Variants in PIK3CB observed in about 807,000 individuals in gnomAD.
The protein encoded by PIK3CB is phosphatidylinositol-4,5-bisphosphate 3-kinase catalytic subunit beta.
In PIK3CB, 39 loss-of-function variants were observed where a neutral mutation model predicts 136.8. The ratio of observed to expected loss-of-function variants is 0.29; its 90% CI spans 0.22 to 0.37. PIK3CB has a LOEUF of 0.37. Ranked by LOEUF, PIK3CB falls within the 10% of genes least tolerant of loss-of-function variation. The pLI, the probability that PIK3CB is intolerant of heterozygous loss-of-function variation, is 1.00. For synonymous variants in PIK3CB, 428 were observed against 436.6 expected (o/e 0.98, Z 0.25); for missense variants, 868 against 1,275.4 (o/e 0.68, Z 4.87).
chr3:138,706,343 T>C (rs2044377701), intron 11 of PIK3CB, among the ~76,000 whole-genome samples: 1 of 152,176 alleles, frequency 6.6e-6, no homozygotes, highest in African/African-American at 2.4e-5. Flanking sequence ...CATTAGATAA[T>C]CTCTTTATCC....
chr3:138,729,477 T>A (rs7616486), intron 8 of PIK3CB, among the ~76,000 whole-genome samples: 6,720 of 152,216 alleles, frequency 0.044, 487 homozygotes, highest in African/African-American at 0.15. Context: ...TTGCCCTCCC[T>A]GATGTAGGCT....
rs966729151 is a variant in PIK3CB at position 138,657,691 on chromosome 3, G to A, written c.2941C>T (p.Arg981Trp). Residue 981 changes from arginine (R) to tryptophan (W), a missense_variant and splice_region_variant, in exon 22 of 24, where the codon CGG (arginine) becomes TGG (tryptophan). Physicochemically the swap from Arg to Trp is moderately radical, Grantham distance 101. This residue lies in a region of PIK3CB where 88 missense variants were observed against 147.8 expected (regional missense o/e 0.60). Coordinates refer to ENST00000674063, the MANE Select transcript of PIK3CB (RefSeq NM_006219.3). ...GKTGNTEKFG[R>W]FRQCCEDAYL... is the part of the protein sequence containing the mutation. ...CCTTGGCACAAGGGCAGTACTCACC[G>A]GCCAAACTTTTCTGTATTTCCTGTT... The A allele has an allele frequency of 2.1e-5, 34 of 1,613,412 alleles. No homozygotes were observed. Among genetic ancestry groups the A allele is most frequent in the East Asian group, 6.7e-5 (3 of 44,858 alleles).
chr3:138,781,761 AT>A (rs1193144865), intron 2 of PIK3CB, among the ~76,000 whole-genome samples: 1 of 151,976 alleles, frequency 6.6e-6, no homozygotes, highest in East Asian at 1.9e-4. Flanking sequence ...GGCCCAAAAA[AT>A]TTTTTTAATT....
chr3:138,720,814 G>C (rs1042892004), intron 8 of PIK3CB, among the ~76,000 whole-genome samples: 1 of 152,156 alleles, frequency 6.6e-6, no homozygotes, highest in Non-Finnish European at 1.5e-5. Context: ...GTTGCAGTGA[G>C]CAGAGATTGT....
intron 4 of PIK3CB, among the ~76,000 whole-genome samples, chr3:138,753,683 G>A (rs949828898): frequency 4.6e-5 from 7 of 151,904 alleles, no homozygotes; most frequent in African/African-American, 1.7e-4. Context: ...GCATATGCCT[G>A]TGGTCTCAAC....
intron 16 of PIK3CB, among the ~76,000 whole-genome samples, chr3:138,685,869 G>A (rs1036598593): frequency 6.6e-6 from 1 of 152,144 alleles, no homozygotes; most frequent in Non-Finnish European, 1.5e-5. Flanking sequence ...GGGTGTGATG[G>A]CTCACGTCTG....
intron 19 of PIK3CB, among the ~76,000 whole-genome samples, chr3:138,675,372 T>A (rs941262547): frequency 6.6e-6 from 1 of 151,554 alleles, no homozygotes; most frequent in Non-Finnish European, 1.5e-5. Flanking sequence ...AAGAAGGAGA[T>A]GAGAGAGAGA....
intron 4 of PIK3CB, among the ~76,000 whole-genome samples, chr3:138,747,815 C>T (rs560190595): frequency 2.0e-5 from 3 of 152,180 alleles, no homozygotes; most frequent in East Asian, 1.9e-4. Context: ...AAAATATCCA[C>T]GTATAAGTGG....
At position 138,714,683 on chromosome 3, in the gene PIK3CB, G is replaced by T. The variant is rs767242982; in HGVS notation, c.1087C>A (p.Leu363Ile). 3.2e-5 allele frequency: 52 copies of T among 1,610,856 alleles called. No individual in the cohort carries two copies. Among genetic ancestry groups the T allele is most frequent in the Non-Finnish European group, 4.3e-5 (51 of 1,178,624 alleles). Residue 363 changes from leucine to isoleucine, a missense_variant, in exon 9 of 24, where the codon CTC (leucine) becomes ATC (isoleucine). By Grantham distance (5) the Leu-to-Ile change is conservative. This residue lies in a region of PIK3CB where 612 missense variants were observed against 801.1 expected (regional missense o/e 0.76). Transcript: ENST00000674063. ...GAGCTTACGATGGTTTTACACAGGA[G>T]CTCAGTACCATGAAAAAGACCAGCC... The part of the protein sequence containing the change: ...VRAGLFHGTE[L>I]LCKTIVSSEV...
At chr3:138,692,756 C>G (rs1283120732) in intron 14 of PIK3CB, among the ~76,000 whole-genome samples, 1 of 152,136 alleles carries the variant, frequency 6.6e-6, no homozygotes, top group Non-Finnish European at 1.5e-5. Context: ...ATTTTGTGGG[C>G]TTTTATGTTT....
intron 1 of PIK3CB, chr3:138,825,637 C>G (rs1263396434): frequency 3.1e-6 from 2 of 635,788 alleles, no homozygotes; most frequent in Non-Finnish European, 5.8e-6. Context: ...ACTCGAAGCT[C>G]TGGACTGCAT....
chr3:138,739,673 G>C (rs568756850), intron 5 of PIK3CB, among the ~76,000 whole-genome samples: 3 of 150,872 alleles, frequency 2.0e-5, no homozygotes, highest in South Asian at 4.2e-4. Flanking sequence ...GGCCGAGGCG[G>C]GCGGATCACT....
intron 8 of PIK3CB, among the ~76,000 whole-genome samples, chr3:138,733,091 T>C (rs1439731089): frequency 6.6e-6 from 1 of 150,664 alleles, no homozygotes; most frequent in African/African-American, 2.4e-5. Context: ...CTATATAATA[T>C]ATAGAAGAAA....
At chr3:138,670,844 A>G (rs2043518162) in intron 19 of PIK3CB, among the ~76,000 whole-genome samples, 1 of 152,210 alleles carries the variant, frequency 6.6e-6, no homozygotes, top group East Asian at 1.9e-4. Flanking sequence ...TAGATGAATT[A>G]TGATCTCTTT....
At chr3:138,749,471 C>T (rs564473042) in intron 4 of PIK3CB, among the ~76,000 whole-genome samples, 12 of 152,240 alleles carry the variant, frequency 7.9e-5, no homozygotes, top group East Asian at 1.9e-4. Flanking sequence ...AAATTTATCA[C>T]GTTACTCCCC....
chr3:138,678,959 G>T (rs1246830495), intron 19 of PIK3CB, among the ~76,000 whole-genome samples: 1 of 152,038 alleles, frequency 6.6e-6, no homozygotes, highest in Non-Finnish European at 1.5e-5. Context: ...CCAGCTACTC[G>T]GGAGGCTGAG....
At chr3:138,671,132 AT>A (rs2043523677) in intron 19 of PIK3CB, among the ~76,000 whole-genome samples, 1 of 152,142 alleles carries the variant, frequency 6.6e-6, no homozygotes, top group African/African-American at 2.4e-5. Context: ...CTGCCATTTA[AT>A]ATTTCTGTAA....
intron 4 of PIK3CB, among the ~76,000 whole-genome samples, chr3:138,751,275 A>G (rs980694589): frequency 6.6e-6 from 1 of 151,946 alleles, no homozygotes; most frequent in African/African-American, 2.4e-5. Context: ...TGGCTAACAC[A>G]GTGAAACCCC....
intron 13 of PIK3CB, among the ~76,000 whole-genome samples, chr3:138,697,569 G>C (rs560600793): frequency 1.3e-4 from 20 of 152,124 alleles, no homozygotes; most frequent in Non-Finnish European, 2.6e-4. Context: ...CCGAGTAGCT[G>C]GAACAGGCGT....
Sources: gnomAD v4.1 joint callset for allele counts (sites outside exome capture counted in the v4.1 genomes callset) on GRCh38, gnomAD v4.1.1 for gene constraint, gnomAD v4.1.1 regional missense constraint, MANE v1.5 for transcripts, NCBI Gene and HGNC (gene_info 2026-07-23, HGNC 2026-07-21) for gene names.